The following SPMAP2L variants were observed in gnomAD, a reference collection of about 807,000 sequenced individuals.
SPMAP2L encodes sperm microtubule associated protein 2 like, also known as sperm microtubule associated protein 2-like.
At chr4:56,587,771 A>G in the SPMAP2L span, among the ~76,000 whole-genome samples, 171 of 152,338 alleles carry the variant, frequency 1.1e-3, 2 homozygotes, top group African/African-American at 3.8e-3. Context: ...TTGTGCTGCT[A>G]TAAACATGCA....
the SPMAP2L span, among the ~76,000 whole-genome samples, chr4:56,553,180 CTTTTTTTTTT>C: frequency 1.7e-4 from 5 of 29,992 alleles, no homozygotes; most frequent in South Asian, 2.2e-3. Context: ...TCTCCTATTG[CTTTTTTTTTT>C]TTTTTTTTTT....
the SPMAP2L span, among the ~76,000 whole-genome samples, chr4:56,540,625 G>A: frequency 6.6e-6 from 1 of 151,588 alleles, no homozygotes; most frequent in Admixed American, 6.6e-5. Context: ...AGAAGGAAAA[G>A]AAAGGAAGAA....
the SPMAP2L span, chr4:56,548,778 G>A: frequency 1.3e-6 from 2 of 1,483,068 alleles, no homozygotes; most frequent in Non-Finnish European, 1.8e-6. Context: ...TTTTACTTTT[G>A]TTTTCTTTTA....
chr4:56,568,171 A>AT, the SPMAP2L span, among the ~76,000 whole-genome samples: 1 of 152,200 alleles, frequency 6.6e-6, no homozygotes, highest in African/African-American at 2.4e-5. Flanking sequence ...TCTACTTAAC[A>AT]TGCTCAATCT....
At chr4:56,589,766 T>C in the SPMAP2L span, among the ~76,000 whole-genome samples, 1 of 152,016 alleles carries the variant, frequency 6.6e-6, no homozygotes, top group Admixed American at 6.6e-5. Flanking sequence ...TTTGTTTTAT[T>C]TTTTTTGCAG....
the SPMAP2L span, chr4:56,595,343 C>A: frequency 1.9e-6 from 3 of 1,608,614 alleles, no homozygotes; most frequent in Non-Finnish European, 2.6e-6. Context: ...CCTATCATGC[C>A]CTGGCCTGTG....
At chr4:56,615,109 T>C in the SPMAP2L span, among the ~76,000 whole-genome samples, 1 of 152,178 alleles carries the variant, frequency 6.6e-6, no homozygotes. Context: ...GATCCAGAAT[T>C]CCTAAATTCC....
chr4:56,563,840 A>G, the SPMAP2L span, among the ~76,000 whole-genome samples: 1 of 152,086 alleles, frequency 6.6e-6, no homozygotes, highest in Middle Eastern at 3.2e-3. Flanking sequence ...AGGGATATCG[A>G]TTTGTAGTTT....
chr4:56,559,267 C>A, the SPMAP2L span: 1 of 935,378 alleles, frequency 1.1e-6, no homozygotes, highest in South Asian at 2.5e-5. Context: ...AGCCACTGCG[C>A]TCCACTCCAG....
At chr4:56,582,676 A>G in the SPMAP2L span, among the ~76,000 whole-genome samples, 1 of 152,214 alleles carries the variant, frequency 6.6e-6, no homozygotes, top group African/African-American at 2.4e-5. Context: ...AATGTTAAAT[A>G]TAGAGTTATT....
At chr4:56,595,855 C>T in the SPMAP2L span, among the ~76,000 whole-genome samples, 1,694 of 152,238 alleles carry the variant, frequency 0.011, 31 homozygotes, top group African/African-American at 0.038. Context: ...TAATCTCTGT[C>T]GAGGTAAATG....
At chr4:56,612,677 C>G in the SPMAP2L span, among the ~76,000 whole-genome samples, 1 of 152,096 alleles carries the variant, frequency 6.6e-6, no homozygotes, top group Non-Finnish European at 1.5e-5. Flanking sequence ...AAGCGACTCT[C>G]CTACCTCAGC....
At chr4:56,602,420 C>T in the SPMAP2L span, among the ~76,000 whole-genome samples, 2 of 152,238 alleles carry the variant, frequency 1.3e-5, no homozygotes, top group Admixed American at 6.5e-5. Context: ...AGGCTGGATG[C>T]GTTGGCTCAC....
At chr4:56,601,016 T>C in the SPMAP2L span, 1 of 1,535,448 alleles carries the variant, frequency 6.5e-7, no homozygotes, top group African/African-American at 1.4e-5. Context: ...CAAGATTATC[T>C]ACCTGACCGT....
At chr4:56,591,680 T>C in the SPMAP2L span, among the ~76,000 whole-genome samples, 1 of 152,220 alleles carries the variant, frequency 6.6e-6, no homozygotes, top group Non-Finnish European at 1.5e-5. Context: ...ATTGATTATA[T>C]TTTCCTTCAA....
chr4:56,603,559 A>G, the SPMAP2L span: 4 of 364,704 alleles, frequency 1.1e-5, no homozygotes, highest in Middle Eastern at 7.3e-4. Flanking sequence ...AAAATGAGAG[A>G]CTGCCTCATT....
the SPMAP2L span, among the ~76,000 whole-genome samples, chr4:56,591,808 G>A: frequency 1.1e-4 from 17 of 152,160 alleles, no homozygotes; most frequent in Non-Finnish European, 1.8e-4. Context: ...GTGGGGAGAC[G>A]TATGGTTCTG....
At chr4:56,593,606 T>C in the SPMAP2L span, 1 of 1,603,920 alleles carries the variant, frequency 6.2e-7, no homozygotes. Flanking sequence ...CTTGGGCAGC[T>C]CCCAGAGATT....
chr4:56,553,950 C>T, the SPMAP2L span, among the ~76,000 whole-genome samples: 1 of 151,722 alleles, frequency 6.6e-6, no homozygotes, highest in Non-Finnish European at 1.5e-5. Context: ...CGTAATCTCT[C>T]AGATTGGCTT....
Sources: gnomAD v4.1 joint callset for allele counts (sites outside exome capture counted in the v4.1 genomes callset) on GRCh38, gnomAD v4.1.1 for gene constraint, MANE v1.5 for transcripts, NCBI Gene and HGNC (gene_info 2026-07-23, HGNC 2026-07-21) for gene names.